Variants in TBC1D31 observed in about 807,000 individuals in gnomAD.
TBC1D31 encodes WD repeat domain 67.
A neutral mutation model predicts 132.9 loss-of-function variants in TBC1D31; 99 were observed. The observed-to-expected ratio is 0.74, with a 90% CI of 0.63 to 0.88. TBC1D31 has a LOEUF of 0.88. Ranked by LOEUF, TBC1D31 falls within the 40% of genes least tolerant of loss-of-function variation. The probability of loss-of-function intolerance (pLI) is 0.00; values close to 1 mark genes in which losing one functional copy is unlikely to be tolerated. For missense variants in TBC1D31, 1,134 were observed against 1,256.6 expected, an observed-to-expected ratio of 0.90 and a Z score of 1.48; for synonymous variants, 385 against 419.4, an observed-to-expected ratio of 0.92 and a Z score of 1.00.
At chr8:123,092,153 T>C (rs1816389067) in intron 4 of TBC1D31, among the ~76,000 whole-genome samples, 1 of 152,108 alleles carries the variant, frequency 6.6e-6, no homozygotes, top group Admixed American at 6.5e-5. Context: ...TAGCTGGGAT[T>C]ACAGGCGTCT....
At position 123,093,734 on chromosome 8, in the gene TBC1D31, T is replaced by A; in HGVS notation, c.663T>A (p.Ala221=). 6.3e-7 allele frequency: 1 copy of A among 1,580,580 alleles called. No homozygotes were observed. The highest frequency in any genetic ancestry group is 2.3e-5 in the East Asian group (1 of 44,398). Residue 221 remains alanine (A), a synonymous_variant, in exon 5 of 22, where the codon GCT becomes GCA. Coordinates refer to ENST00000287380, the MANE Select transcript of TBC1D31 (RefSeq NM_145647.4). ...ESSSILYKVF[A]VTRDGRILAA... ...CTAGTATATTATACAAAGTGTTTGCTGTAACCAGGTAATGTGCATTTTAAG... is the reference window on the plus strand; with the variant it reads ...CTAGTATATTATACAAAGTGTTTGCAGTAACCAGGTAATGTGCATTTTAAG...
intron 7 of TBC1D31, chr8:123,102,549 G>A: frequency 3.5e-6 from 1 of 289,786 alleles, no homozygotes; most frequent in Non-Finnish European, 6.7e-6. Context: ...TTTTCTATGT[G>A]TGTAAATATA....
At chr8:123,131,519 T>A (rs755536981) in intron 16 of TBC1D31, among the ~76,000 whole-genome samples, 1 of 152,204 alleles carries the variant, frequency 6.6e-6, no homozygotes, top group African/African-American at 2.4e-5. Context: ...TAAAATTTCA[T>A]ATGCTGAATA....
At position 123,150,051 on chromosome 8, in the gene TBC1D31, A is replaced by G. The variant is rs748620695; in HGVS notation, c.2990A>G (p.Gln997Arg). 3.7e-6 allele frequency: 6 copies of G among 1,614,030 alleles called. No homozygotes were observed. In the Admixed American group the frequency reaches 8.3e-5, roughly 22 times the overall value. The change falls in exon 21 of 22, where the codon CAA (glutamine) becomes CGA (arginine). Residue 997 changes from glutamine to arginine, a missense_variant. By Grantham distance (43) the Gln-to-Arg change is conservative (BLOSUM62 1). Coordinates refer to ENST00000287380, the MANE Select transcript of TBC1D31 (RefSeq NM_145647.4). ...NPCHKEEPRF[Q>R]NEQDSSCLPR... ...TTTATAACAGAAGAACCCAGGTTCC[A>G]AAATGAACAGGACTCAAGCTGTTTG... is the stretch of plus-strand genomic sequence containing the variant.
At chr8:123,076,251 C>T (rs1311256510) in intron 1 of TBC1D31, among the ~76,000 whole-genome samples, 2 of 152,008 alleles carry the variant, frequency 1.3e-5, no homozygotes, top group East Asian at 3.9e-4. Flanking sequence ...CAGGCACATG[C>T]ACCATGCCTG....
chr8:123,092,212 A>G (rs1205656277), intron 4 of TBC1D31, among the ~76,000 whole-genome samples: 1 of 151,982 alleles, frequency 6.6e-6, no homozygotes, highest in East Asian at 1.9e-4. Flanking sequence ...ACGGGGTTTC[A>G]CCATGTTGGC....
At chr8:123,157,349 G>A in the TBC1D31 span, among the ~76,000 whole-genome samples, 9 of 152,120 alleles carry the variant, frequency 5.9e-5, no homozygotes. Flanking sequence ...TATACAGCTG[G>A]TCTGCTGCGC....
chr8:123,124,379 A>G (rs1819818578), intron 11 of TBC1D31, among the ~76,000 whole-genome samples: 1 of 152,146 alleles, frequency 6.6e-6, no homozygotes, highest in African/African-American at 2.4e-5. Context: ...GTATTTTGCT[A>G]TCTGTCAGTT....
In TBC1D31 at chr8:123,128,318, T is replaced by C; in HGVS notation, c.1922T>C (p.Val641Ala). 8.7e-6 allele frequency: 14 copies of C among 1,612,566 alleles called. No homozygotes were observed. The highest frequency in any genetic ancestry group is 1.2e-5 in the Non-Finnish European group (14 of 1,178,716). Reference protein sequence around the residue: ...FHHRNNLDINVVIRQVYHLME... With the variant: ...FHHRNNLDINAVIRQVYHLME... ...CATCGGAATAACCTGGATATAAATG[T>C]TGTGATTAGACAAGTTTATCATCTC... Residue 641 changes from valine to alanine, a missense_variant, in exon 14 of 22, where the codon GTT (valine) becomes GCT (alanine). Val to Ala is a moderately conservative substitution (Grantham distance 64). Coordinates refer to ENST00000287380, the MANE Select transcript of TBC1D31 (RefSeq NM_145647.4).
chr8:123,108,374 CTTAGATAT>C (rs1320766198), intron 8 of TBC1D31, among the ~76,000 whole-genome samples: 1 of 152,034 alleles, frequency 6.6e-6, no homozygotes, highest in Non-Finnish European at 1.5e-5. Flanking sequence ...ACTTTAAAGT[CTTAGATAT>C]AAGGGACTAT....
intron 20 of TBC1D31, 127 bp downstream of exon 20, chr8:123,144,982 G>GAT: frequency 2.3e-6 from 2 of 872,218 alleles, no homozygotes; most frequent in Non-Finnish European, 3.4e-6. Flanking sequence ...GGAGTGTAGT[G>GAT]ATGCAATCAT....
chr8:123,125,933 G>T (rs1554618053), intron 11 of TBC1D31, 123 bp from the exon 12 acceptor site: 2 of 656,726 alleles, frequency 3.0e-6, no homozygotes, highest in Non-Finnish European at 4.5e-6. Flanking sequence ...AATATAAAGA[G>T]TTTTTTTTTA....
At chr8:123,141,186 G>A (rs1284039224) in intron 18 of TBC1D31, among the ~76,000 whole-genome samples, 5 of 152,210 alleles carry the variant, frequency 3.3e-5, no homozygotes, top group South Asian at 2.1e-4. Context: ...AAGAAAATAC[G>A]AAGGAATAGT....
At chr8:123,094,329 TGG>T (rs1816640508) in intron 5 of TBC1D31, among the ~76,000 whole-genome samples, 1 of 152,108 alleles carries the variant, frequency 6.6e-6, no homozygotes, top group Admixed American at 6.6e-5. Flanking sequence ...CCCAGAGTGC[TGG>T]GATTACAGGC....
intron 7 of TBC1D31, chr8:123,103,931 T>C (rs903821086): frequency 6.6e-6 from 1 of 152,214 alleles, no homozygotes; most frequent in Admixed American, 6.5e-5. Flanking sequence ...TACATTAATG[T>C]TCAATTCTAT....
chr8:123,142,683 T>C (rs992645281), intron 19 of TBC1D31, among the ~76,000 whole-genome samples: 2 of 152,116 alleles, frequency 1.3e-5, no homozygotes, highest in African/African-American at 4.8e-5. Context: ...AAAAGCATCA[T>C]ACCAAGTCGT....
chr8:123,130,246 A>G lies in TBC1D31; in HGVS notation c.2319A>G (p.Gln773=). The change falls in exon 16 of 22, where the codon CAA becomes CAG. Residue 773 remains glutamine (Q), a synonymous_variant. Transcript: ENST00000287380. Reference sequence around the variant, plus strand: ...TGAAAGTAAAGGAAATGCACTTACAAGATGCTGCAAGAAGGCGTTTTCTGA... The same window carrying G: ...TGAAAGTAAAGGAAATGCACTTACAGGATGCTGCAAGAAGGCGTTTTCTGA... ...RELKVKEMHL[Q]DAARRRFLKL... The G allele has an allele frequency of 1.2e-6, 2 of 1,613,310 alleles. No homozygotes were observed. The highest frequency in any genetic ancestry group is 1.1e-5 in the South Asian group (1 of 90,834).
intron 2 of TBC1D31, among the ~76,000 whole-genome samples, chr8:123,080,521 C>CTTTTTTTT (rs1815021692): frequency 1.2e-5 from 1 of 83,810 alleles, no homozygotes; most frequent in African/African-American, 4.3e-5. Flanking sequence ...CTTTTCTTTT[C>CTTTTTTTT]TTTTATTCTT....
intron 2 of TBC1D31, among the ~76,000 whole-genome samples, chr8:123,081,311 G>T (rs2129781416): frequency 6.6e-6 from 1 of 152,094 alleles, no homozygotes; most frequent in East Asian, 1.9e-4. Context: ...CAAGCCTCAG[G>T]CTTCATCTGC....
Sources: allele counts gnomAD v4.1 joint callset (sites outside exome capture counted in the v4.1 genomes callset), GRCh38; gene constraint gnomAD v4.1.1; transcripts MANE v1.5; gene names NCBI Gene and HGNC (gene_info 2026-07-23, HGNC 2026-07-21).